Variants in MYLK4 observed in about 807,000 individuals in gnomAD.
MYLK4 encodes myosin light chain kinase family member 4, also known as caMLCK like.
In MYLK4, 46 loss-of-function variants were observed where a neutral mutation model predicts 48.1. That is an observed-to-expected ratio of 0.96 (90% CI 0.75 to 1.22). MYLK4 has a LOEUF of 1.22. MYLK4 is among the 50% of genes most tolerant of loss of function. The pLI is 0.00. For synonymous variants in MYLK4, 170 were observed against 180.8 expected (o/e 0.94, Z 0.48); for missense variants, 451 against 486.1 (o/e 0.93, Z 0.68).
intron 2 of MYLK4, among the ~76,000 whole-genome samples, chr6:2,704,753 T>C (rs1366687867): frequency 2.0e-5 from 3 of 152,242 alleles, no homozygotes; most frequent in African/African-American, 7.2e-5. Context: ...AGTAGCTCTT[T>C]CCTTTGAAAT....
At chr6:2,704,752 T>C (rs1355097210) in intron 2 of MYLK4, among the ~76,000 whole-genome samples, 1 of 152,218 alleles carries the variant, frequency 6.6e-6, no homozygotes, top group Non-Finnish European at 1.5e-5. Flanking sequence ...GAGTAGCTCT[T>C]TCCTTTGAAA....
chr6:2,684,672 T>C (rs1169897840), intron 6 of MYLK4, among the ~76,000 whole-genome samples: 1 of 152,144 alleles, frequency 6.6e-6, no homozygotes, highest in Non-Finnish European at 1.5e-5. Context: ...ATAACAACTG[T>C]ATATGTGGCA....
At chr6:2,693,708 A>C (rs1386751090) in intron 2 of MYLK4, among the ~76,000 whole-genome samples, 1 of 152,062 alleles carries the variant, frequency 6.6e-6, no homozygotes. Context: ...CAAGCATGAA[A>C]CACCATGTAA....
intron 2 of MYLK4, among the ~76,000 whole-genome samples, chr6:2,739,531 G>A (rs1460499189): frequency 6.6e-6 from 1 of 152,128 alleles, no homozygotes; most frequent in Non-Finnish European, 1.5e-5. Flanking sequence ...GAAACGCCAT[G>A]ACAACCTGTG....
chr6:2,733,000 G>A (rs1045524519), intron 2 of MYLK4, among the ~76,000 whole-genome samples: 2 of 152,192 alleles, frequency 1.3e-5, no homozygotes, highest in African/African-American at 4.8e-5. Flanking sequence ...TTCAAGGAAG[G>A]TTGACTTTAT....
At chr6:2,669,795 G>A (rs1398204100) in intron 12 of MYLK4, among the ~76,000 whole-genome samples, 1 of 152,188 alleles carries the variant, frequency 6.6e-6, no homozygotes, top group African/African-American at 2.4e-5. Context: ...TGTCCTTGCT[G>A]TTTTTAACAA....
At chr6:2,770,098 TC>T in the MYLK4 span, 1 of 1,612,788 alleles carries the variant, frequency 6.2e-7, no homozygotes, top group East Asian at 2.2e-5. Context: ...ATCACTTTTT[TC>T]TGTTTTCCTC....
Position 2,707,141 on chromosome 6 carries a change from C to T in MYLK4, c.160-14282G>A, listed in dbSNP as rs192763388. 5.9e-5 allele frequency among the ~76,000 whole-genome samples: 9 copies of T among 152,256 alleles called. No homozygotes were observed. In the East Asian group the frequency reaches 1.5e-3, roughly 26 times the overall value. On this transcript the variant is annotated intron_variant, in intron 2 of 12. Transcript: ENST00000274643. ...TCTGTTAACTGAGAGACATTACATA[C>T]TCCATACTCAGGTCCTAAGCTATTT...
In MYLK4 at chr6:2,665,938, G is replaced by A. The variant is rs1760634511; in HGVS notation, c.*1987C>T. On this transcript the variant is annotated 3_prime_UTR_variant, in exon 13 of 13. Transcript: ENST00000274643. Reference sequence around the variant, plus strand: ...GTGTGTGTGTGTGTGTGTGGTGTGTGTGTTTTAAGCAAACTAAATTAAACA... The same window carrying A: ...GTGTGTGTGTGTGTGTGTGGTGTGTATGTTTTAAGCAAACTAAATTAAACA... The A allele has an allele frequency of 6.6e-6, 1 of 151,814 alleles. No individual in the cohort carries two copies. The allele number at this position is 151,814 out of a possible 1,614,324, so 9.4% of individuals were successfully genotyped here.
intron 2 of MYLK4, among the ~76,000 whole-genome samples, chr6:2,723,581 T>A (rs1381259104): frequency 6.6e-6 from 1 of 152,250 alleles, no homozygotes; most frequent in African/African-American, 2.4e-5. Context: ...CTCTTTCACT[T>A]AGAATCAATT....
chr6:2,722,393 C>T (rs1248853043), intron 2 of MYLK4, among the ~76,000 whole-genome samples: 4 of 152,112 alleles, frequency 2.6e-5, no homozygotes, highest in African/African-American at 9.7e-5. Flanking sequence ...CTTTACATAG[C>T]TTTCAGCCAT....
Position 2,694,524 on chromosome 6 carries a change from G to A in MYLK4, c.160-1665C>T, listed in dbSNP as rs145477882. 3.7e-3 allele frequency among the ~76,000 whole-genome samples: 6 copies of A among 1,612 alleles called. 1 individual carries two copies. Among genetic ancestry groups the A allele is most frequent in the Admixed American group, 0.024 (3 of 126 alleles). The allele number at this position is 1,612 out of a possible 152,430, so 1.1% of individuals were successfully genotyped here. A position where few individuals can be genotyped will look rare whatever the true frequency, so the allele number is the denominator to read the frequency against. On this transcript the variant is annotated intron_variant, in intron 2 of 12. Coordinates refer to ENST00000274643, the MANE Select transcript of MYLK4 (RefSeq NM_001012418.5). ...GGTGGTGGTGGTGGCGGTGGTGGTG[G>A]TGGTGGTAGTAGTGTTGGTTGTGGT...
chr6:2,767,045 C>G, the MYLK4 span, among the ~76,000 whole-genome samples: 2 of 152,160 alleles, frequency 1.3e-5, no homozygotes, highest in South Asian at 2.1e-4. Context: ...ACTTTTTCAT[C>G]TGCAAGTCAT....
At chr6:2,742,758 A>ACCTTATATCT (rs1323511945) in intron 2 of MYLK4, among the ~76,000 whole-genome samples, 25 of 147,522 alleles carry the variant, frequency 1.7e-4, no homozygotes, top group Admixed American at 1.6e-3. Context: ...TAGGAGATAT[A>ACCTTATATCT]CCTAATGCTA....
rs533235879 is a variant in MYLK4 at position 2,707,363 on chromosome 6, A to C, written c.160-14504T>G. Among the ~76,000 whole-genome samples the C allele has an allele frequency of 2.6e-5, 4 of 152,306 alleles. No homozygotes were observed. In the East Asian group the frequency reaches 5.8e-4, roughly 22 times the overall value. ...TTTAACAATCACTGTAAAATTTTTC[A>C]TTTTGATTTAATTCAGTTATACAGC... On this transcript the variant is annotated intron_variant, in intron 2 of 12. Coordinates refer to ENST00000274643, the MANE Select transcript of MYLK4 (RefSeq NM_001012418.5).
chr6:2,739,435 C>T (rs1007259987), intron 2 of MYLK4, among the ~76,000 whole-genome samples: 1 of 152,118 alleles, frequency 6.6e-6, no homozygotes, highest in African/African-American at 2.4e-5. Flanking sequence ...TGAGCTGACC[C>T]CCGAAGTTCC....
the MYLK4 span, chr6:2,768,867 C>A: frequency 6.2e-7 from 1 of 1,610,316 alleles, no homozygotes; most frequent in South Asian, 1.1e-5. Context: ...TTCATCGGTT[C>A]AATAAATCTC....
At chr6:2,737,912 C>G (rs1441597783) in intron 2 of MYLK4, among the ~76,000 whole-genome samples, 2 of 106,842 alleles carry the variant, frequency 1.9e-5, no homozygotes, top group Non-Finnish European at 3.6e-5. Flanking sequence ...TTTTTTTTTT[C>G]TCTAAGCCAA....
At position 2,685,433 on chromosome 6, in the gene MYLK4, G is replaced by A; in HGVS notation, c.436-28C>T. ...GAGAAGCAGGAAACAGTGCATTAGT[G>A]TGGTCAAGATGGGGCGGGGAGGGAG... is the stretch of plus-strand genomic sequence containing the variant. On this transcript the variant is annotated intron_variant, in intron 5 of 12. Transcript: ENST00000274643. This position sits in a 1 kb window ranked among gnomAD's most constrained non-coding sequence, Gnocchi z 4.5. 2 of 1,604,276 alleles carry A rather than the reference G, an allele frequency of 1.2e-6. No homozygotes were observed. The highest frequency in any genetic ancestry group is 2.7e-5 in the African/African-American group (2 of 74,784).
Sources: allele counts gnomAD v4.1 joint callset (sites outside exome capture counted in the v4.1 genomes callset), GRCh38; gene constraint gnomAD v4.1.1; non-coding constraint Gnocchi (gnomAD v3.1); transcripts MANE v1.5; gene names NCBI Gene and HGNC (gene_info 2026-07-23, HGNC 2026-07-21).